The following ARGLU1 variants were observed in gnomAD, a reference collection of about 807,000 sequenced individuals.
ARGLU1 encodes the protein arginine and glutamate rich 1, also known as arginine and glutamate-rich protein 1.
In ARGLU1, 9 loss-of-function variants were observed where a neutral mutation model predicts 37.6. That is an observed-to-expected ratio of 0.24 (90% CI 0.14 to 0.42). The LOEUF (loss-of-function observed/expected upper bound fraction) is 0.42. Ranked by LOEUF, ARGLU1 falls within the 10% of genes least tolerant of loss-of-function variation. The pLI is 1.00. For missense variants in ARGLU1, 211 were observed against 359.2 expected (o/e 0.59, Z 3.34); for synonymous variants, 166 against 138.5 (o/e 1.20, Z -1.39).
chr13:106,550,441 C>T (rs750973817), intron 3 of ARGLU1, among the ~76,000 whole-genome samples: 17 of 152,204 alleles, frequency 1.1e-4, no homozygotes, highest in Non-Finnish European at 2.1e-4. Context: ...AAAAACCTCT[C>T]GCTCTCTGAA....
intron 3 of ARGLU1, among the ~76,000 whole-genome samples, chr13:106,555,361 CA>C (rs936551363): frequency 4.0e-5 from 6 of 151,736 alleles, no homozygotes; most frequent in African/African-American, 1.5e-4. Flanking sequence ...AACTCCGTCT[CA>C]AAAACAAAAC....
intron 3 of ARGLU1, among the ~76,000 whole-genome samples, chr13:106,556,379 C>T (rs747730818): frequency 1.3e-5 from 2 of 152,168 alleles, no homozygotes; most frequent in Non-Finnish European, 2.9e-5. Context: ...AACAACTGCC[C>T]CGTATTAACT....
At chr13:106,544,787 T>C (rs1329469198) in intron 3 of ARGLU1, among the ~76,000 whole-genome samples, 1 of 152,148 alleles carries the variant, frequency 6.6e-6, no homozygotes, top group African/African-American at 2.4e-5. Flanking sequence ...GACTATATTA[T>C]AGTATCAGTA....
At chr13:106,565,161 C>T (rs560346666) in intron 1 of ARGLU1, among the ~76,000 whole-genome samples, 6 of 152,302 alleles carry the variant, frequency 3.9e-5, no homozygotes, top group Admixed American at 3.3e-4. Context: ...AGGATGCAAT[C>T]CAAGCTCTTT....
Position 106,542,407 on chromosome 13 carries a change from G to A in ARGLU1, c.*1589C>T, listed in dbSNP as rs1028824763. The A allele has an allele frequency of 2.0e-5, 3 of 151,690 alleles. No homozygotes were observed. In the South Asian group the frequency reaches 6.2e-4, roughly 31 times the overall value. 9.4% of individuals were successfully genotyped at this position (151,690 alleles called of 1,614,324 possible). ...TAGGAAAATAAAATGTTTGATTTTA[G>A]AGTAAGTAGTATGTTTACTAAAAGT... On this transcript the variant is annotated 3_prime_UTR_variant, in exon 4 of 4. Transcript: ENST00000400198.
chr13:106,567,437 C>A lies in ARGLU1; in HGVS notation c.347+136G>T, dbSNP rs192623469. ...CCCGCCCCGCCGCCGCCTCTCCGAC[C>A]CGTTCCCGCGCCCGGTCCCCAGCCC... On this transcript the variant is annotated intron_variant, in intron 1 of 3. Coordinates refer to ENST00000400198, the MANE Select transcript of ARGLU1 (RefSeq NM_018011.4). The surrounding 1 kb of genome is among the most constrained non-coding windows in gnomAD (Gnocchi z 4.3). 1 of 595,476 alleles carries A rather than the reference C, an allele frequency of 1.7e-6. No homozygotes were observed. Among genetic ancestry groups the A allele is most frequent in the South Asian group, 2.5e-5 (1 of 39,288 alleles). 36.9% of individuals were successfully genotyped at this position (595,476 alleles called of 1,614,324 possible). A position where few individuals can be genotyped will look rare whatever the true frequency, so the allele number is the denominator to read the frequency against.
chr13:106,558,522 T>C (rs1365481868), intron 2 of ARGLU1: 19 of 985,480 alleles, frequency 1.9e-5, no homozygotes, highest in Middle Eastern at 5.2e-4. Context: ...ATATTCATTA[T>C]GCAAACTATG....
In ARGLU1 at chr13:106,567,565, G is replaced by A. The variant is rs761791626; in HGVS notation, c.347+8C>T. 1 of 1,580,194 alleles carries A rather than the reference G, an allele frequency of 6.3e-7. No homozygotes were observed. ...CACGCCCCGGTCCCTCCCCGCGCGG[G>A]CACTCACATTTTTCGCTGCCGCTCG... On this transcript the variant is annotated splice_region_variant and intron_variant, in intron 1 of 3. Coordinates refer to ENST00000400198, the MANE Select transcript of ARGLU1 (RefSeq NM_018011.4). The surrounding 1 kb of genome is among the most constrained non-coding windows in gnomAD (Gnocchi z 4.3).
intron 3 of ARGLU1, among the ~76,000 whole-genome samples, chr13:106,555,513 A>G (rs1463862701): frequency 4.6e-5 from 7 of 152,238 alleles, no homozygotes; most frequent in African/African-American, 1.7e-4. Context: ...TAAGGGTTTT[A>G]GAAGTTTTTA....
At position 106,559,666 on chromosome 13, in the gene ARGLU1, CAA is replaced by C. The variant is rs764101208; in HGVS notation, c.348-11_348-10del. On this transcript the variant is annotated splice_polypyrimidine_tract_variant and intron_variant, in intron 1 of 3. Transcript: ENST00000400198. ...CTATTTCTTGCTGTCGACTAGCAAA[CAA>C]AGTGAAAAAAACAAGTTAGGTATTT... 3.8e-6 allele frequency: 6 copies of C among 1,596,086 alleles called. 1 individual carries two copies. The South Asian group carries it at 4.6e-5, about 12-fold the overall frequency.
intron 1 of ARGLU1, among the ~76,000 whole-genome samples, chr13:106,561,615 A>T (rs1473964328): frequency 1.3e-5 from 2 of 152,194 alleles, no homozygotes; most frequent in African/African-American, 4.8e-5. Flanking sequence ...ATAATGTAAC[A>T]CAGTTCCAAT....
chr13:106,553,317 G>A (rs765412803), intron 3 of ARGLU1, among the ~76,000 whole-genome samples: 1 of 152,026 alleles, frequency 6.6e-6, no homozygotes, highest in African/African-American at 2.4e-5. Flanking sequence ...TATTTCCCCT[G>A]AATTATCAAA....
chr13:106,557,891 G>C lies in ARGLU1; in HGVS notation c.574-760C>G. 6.1e-6 allele frequency: 6 copies of C among 985,360 alleles called. No individual in the cohort carries two copies. The highest frequency in any genetic ancestry group is 7.2e-6 in the Non-Finnish European group (6 of 829,912). 61.0% of individuals were successfully genotyped at this position (985,360 alleles called of 1,614,324 possible). Reference sequence around the variant, plus strand: ...TTAACATTCAGATGTTGACAATTTCGGAAGGCAGCTTATATTGTCATCTAC... The same window carrying C: ...TTAACATTCAGATGTTGACAATTTCCGAAGGCAGCTTATATTGTCATCTAC... On this transcript the variant is annotated intron_variant, in intron 2 of 3. Transcript: ENST00000400198. The surrounding 1 kb of genome is among the most constrained non-coding windows in gnomAD (Gnocchi z 5.0).
At chr13:106,562,508 C>G (rs1384279710) in intron 1 of ARGLU1, among the ~76,000 whole-genome samples, 2 of 152,194 alleles carry the variant, frequency 1.3e-5, no homozygotes, top group African/African-American at 4.8e-5. Flanking sequence ...CCTCAAAACC[C>G]TTGCCATAGC....
intron 1 of ARGLU1, among the ~76,000 whole-genome samples, chr13:106,561,144 T>C (rs982480893): frequency 6.6e-6 from 1 of 152,182 alleles, no homozygotes; most frequent in African/African-American, 2.4e-5. Flanking sequence ...GACTTTGTTG[T>C]TTGAAGTCTT....
chr13:106,567,468 C>T lies in ARGLU1; in HGVS notation c.347+105G>A. 1 of 794,794 alleles carries T rather than the reference C, an allele frequency of 1.3e-6. No homozygotes were observed. Among genetic ancestry groups the T allele is most frequent in the Non-Finnish European group, 1.9e-6 (1 of 522,060 alleles). 49.2% of individuals were successfully genotyped at this position (794,794 alleles called of 1,614,324 possible). On this transcript the variant is annotated intron_variant, in intron 1 of 3. Transcript: ENST00000400198. The surrounding 1 kb of genome is among the most constrained non-coding windows in gnomAD (Gnocchi z 4.3). ...CCGCGCCCGGTCCCCAGCCCCGGACCGTCCCCGCCATTCTCCCGGCCCGCA... is the reference window on the plus strand; with the variant it reads ...CCGCGCCCGGTCCCCAGCCCCGGACTGTCCCCGCCATTCTCCCGGCCCGCA...
In ARGLU1 at chr13:106,559,611, G is replaced by T; in HGVS notation, c.394C>A (p.Arg132=). 1.2e-6 allele frequency: 2 copies of T among 1,613,540 alleles called. No individual in the cohort carries two copies. Among genetic ancestry groups the T allele is most frequent in the Non-Finnish European group, 1.7e-6 (2 of 1,179,934 alleles). Residue 132 remains arginine (R), a synonymous_variant, in exon 2 of 4, where the codon CGA becomes AGA. Coordinates refer to ENST00000400198, the MANE Select transcript of ARGLU1 (RefSeq NM_018011.4). ...TTTGCTACCAATTCTTCTACTCTTC[G>T]TGCTGTTTCTTCCTCGATGAGTTTT... The part of the protein sequence containing the change: ...EEKLIEEETA[R]RVEELVAKRV...
chr13:106,563,006 AAAC>A (rs1171812472), intron 1 of ARGLU1, among the ~76,000 whole-genome samples: 55 of 123,196 alleles, frequency 4.5e-4, no homozygotes, highest in Middle Eastern at 4.0e-3. Context: ...AAAAAAAAAA[AAAC>A]AAAAAAAAAA....
chr13:106,555,747 G>A (rs1880647109), intron 3 of ARGLU1, among the ~76,000 whole-genome samples: 1 of 152,064 alleles, frequency 6.6e-6, no homozygotes, highest in Non-Finnish European at 1.5e-5. Context: ...ATGCAAGGAG[G>A]CCAAGCCGTC....
Sources: gnomAD v4.1 joint callset for allele counts (sites outside exome capture counted in the v4.1 genomes callset) on GRCh38, gnomAD v4.1.1 for gene constraint, Gnocchi (gnomAD v3.1) non-coding constraint, MANE v1.5 for transcripts, NCBI Gene and HGNC (gene_info 2026-07-23, HGNC 2026-07-21) for gene names.